The following PDE4C variants were observed in gnomAD, a reference collection of about 807,000 sequenced individuals.
PDE4C encodes 3',5'-cyclic-AMP phosphodiesterase 4C.
In PDE4C, 50 loss-of-function variants were observed where a neutral mutation model predicts 63.9. That is an observed-to-expected ratio of 0.78 (90% CI 0.62 to 0.99). The LOEUF (loss-of-function observed/expected upper bound fraction) is 0.99, where lower values mean the gene tolerates loss of function less well. Ranked by LOEUF, PDE4C falls within the 50% of genes least tolerant of loss-of-function variation. The probability of loss-of-function intolerance (pLI) is 0.00; values close to 1 mark genes in which losing one functional copy is unlikely to be tolerated. For missense variants in PDE4C, 777 were observed against 899.1 expected (o/e 0.86, Z 1.74); for synonymous variants, 377 against 385.1 (o/e 0.98, Z 0.25).
chr19:18,251,527 T>C (rs1163518384), upstream of PDE4C, among the ~76,000 whole-genome samples: 1 of 151,928 alleles, frequency 6.6e-6, no homozygotes, highest in African/African-American at 2.4e-5. Context: ...CTCTGCCGCC[T>C]GGGTTCAAGC....
chr19:18,238,244 T>C (rs926496439), upstream of PDE4C, among the ~76,000 whole-genome samples: 3 of 151,616 alleles, frequency 2.0e-5, no homozygotes, highest in African/African-American at 7.3e-5. Flanking sequence ...CTCTCTTTTT[T>C]TTTTTTTTCG....
chr19:18,216,950 C>T, intron 11 of PDE4C, 55 bp from the exon 12 acceptor site: 1 of 1,530,982 alleles, frequency 6.5e-7, no homozygotes, highest in Non-Finnish European at 8.8e-7. Context: ...CCCACTCTAC[C>T]CAAAAGCAGC....
chr19:18,220,817 A>G lies in PDE4C; in HGVS notation c.499+57T>C, dbSNP rs766312522. On this transcript the variant is annotated intron_variant, in intron 5 of 14. Transcript: ENST00000262805. This position sits in a 1 kb window ranked among gnomAD's most constrained non-coding sequence, Gnocchi z 5.1. Reference sequence around the variant, plus strand: ...GGGCTCATGGACTGGGGAGGTCACTATGGAAAGGAAGCTCCCAGCTGTCCT... The same window carrying G: ...GGGCTCATGGACTGGGGAGGTCACTGTGGAAAGGAAGCTCCCAGCTGTCCT... The G allele has an allele frequency of 3.9e-6, 6 of 1,535,160 alleles. No individual in the cohort carries two copies. In the Admixed American group the frequency reaches 5.6e-5, roughly 14 times the overall value.
upstream of PDE4C, among the ~76,000 whole-genome samples, chr19:18,227,734 G>C (rs1055726108): frequency 6.6e-6 from 1 of 152,200 alleles, no homozygotes; most frequent in Non-Finnish European, 1.5e-5. Flanking sequence ...CCTTGCTGTG[G>C]AATGACCTCT....
chr19:18,240,431 A>AAC (rs1969017121), intron 1 of PDE4C, among the ~76,000 whole-genome samples: 1 of 150,890 alleles, frequency 6.6e-6, no homozygotes, highest in Non-Finnish European at 1.5e-5. Context: ...CTGTCAAAAA[A>AAC]AAAAAAAAAA....
chr19:18,221,080 C>CCCCCA, intron 4 of PDE4C, 25 bp downstream of exon 4: 1 of 1,084,690 alleles, frequency 9.2e-7, no homozygotes, highest in Non-Finnish European at 1.2e-6. Flanking sequence ...GGCCCCGCCC[C>CCCCCA]CGCCCCGCCC....
chr19:18,254,175 G>A, the PDE4C span, among the ~76,000 whole-genome samples: 1 of 152,294 alleles, frequency 6.6e-6, no homozygotes, highest in South Asian at 2.1e-4. Context: ...CAGAGGGTCT[G>A]GCCTGAGGTG....
exon 4 of PDE4C, chr19:18,221,149 G>T (rs775589812): frequency 1.1e-5 from 18 of 1,588,920 alleles, no homozygotes; most frequent in Non-Finnish European, 1.5e-5. Context: ...CCGCCACGTT[G>T]CTCCGAACGG....
At chr19:18,246,037 G>A (rs1969123465) in intron 1 of PDE4C, among the ~76,000 whole-genome samples, 1 of 140,010 alleles carries the variant, frequency 7.1e-6, no homozygotes, top group African/African-American at 2.8e-5. Flanking sequence ...TTGAGACAGA[G>A]TCTTACTCTG....
At chr19:18,246,306 C>T (rs2148073993) in intron 1 of PDE4C, among the ~76,000 whole-genome samples, 1 of 151,492 alleles carries the variant, frequency 6.6e-6, no homozygotes, top group South Asian at 2.1e-4. Context: ...ACCTTAGCCT[C>T]CCAAGTAGCT....
chr19:18,254,147 A>C, the PDE4C span, among the ~76,000 whole-genome samples: 5 of 152,310 alleles, frequency 3.3e-5, no homozygotes, highest in African/African-American at 9.6e-5. Context: ...ACAGATGAGA[A>C]ACTGAGGCTC....
exon 15 of PDE4C, chr19:18,211,275 A>C: frequency 8.3e-6 from 13 of 1,567,588 alleles, no homozygotes; most frequent in Middle Eastern, 1.7e-4. Context: ...AATGAAACCC[A>C]CCTGTGGCGG....
Position 18,220,549 on chromosome 19 carries a change from C to T in PDE4C, c.500-34G>A, listed in dbSNP as rs1370169436. On this transcript the variant is annotated intron_variant, in intron 5 of 14. Coordinates refer to ENST00000262805, the Ensembl canonical transcript of PDE4C. This position sits in a 1 kb window ranked among gnomAD's most constrained non-coding sequence, Gnocchi z 5.1. ...CGAGGCAGTCAGGGGCCTGCCCAACCCCCCCGCTCAGGGACCCCACGCCTC... is the reference window on the plus strand; with the variant it reads ...CGAGGCAGTCAGGGGCCTGCCCAACTCCCCCGCTCAGGGACCCCACGCCTC... The T allele has an allele frequency of 4.8e-6, 7 of 1,445,410 alleles. No individual in the cohort carries two copies. The highest frequency in any genetic ancestry group is 6.5e-6 in the Non-Finnish European group (7 of 1,082,856). The allele number at this position is 1,445,410 out of a possible 1,614,324, so 89.5% of individuals were successfully genotyped here.
intron 1 of PDE4C, among the ~76,000 whole-genome samples, chr19:18,240,185 C>T (rs1025370098): frequency 2.0e-5 from 3 of 151,970 alleles, no homozygotes; most frequent in Non-Finnish European, 2.9e-5. Flanking sequence ...CATGGTGGCT[C>T]ATGTCTGTAG....
chr19:18,247,350 C>T (rs1436814255), intron 1 of PDE4C, among the ~76,000 whole-genome samples: 5 of 152,080 alleles, frequency 3.3e-5, no homozygotes, highest in African/African-American at 1.2e-4. Context: ...GGCTGGAGTG[C>T]AGTGGCGTGA....
upstream of PDE4C, among the ~76,000 whole-genome samples, chr19:18,234,007 G>C (rs935910564): frequency 6.6e-6 from 1 of 152,222 alleles, no homozygotes; most frequent in Non-Finnish European, 1.5e-5. Flanking sequence ...GAGAAGGACA[G>C]GGAAATTGGC....
chr19:18,226,218 C>T lies in PDE4C; in HGVS notation c.146+52G>A, dbSNP rs1968712991. ...CTTGTCCCTGTCCCTGCCCTTCCCA[C>T]CTCCACACCGGGCGTCCCGGTGACC... On this transcript the variant is annotated intron_variant, in intron 1 of 14. Transcript: ENST00000262805. 5.5e-6 allele frequency: 8 copies of T among 1,456,896 alleles called. No homozygotes were observed. In the South Asian group the frequency reaches 9.7e-5, roughly 18 times the overall value. 90.2% of individuals were successfully genotyped at this position (1,456,896 alleles called of 1,614,324 possible).
At chr19:18,214,457 A>G (rs984132807) in intron 12 of PDE4C, among the ~76,000 whole-genome samples, 4 of 151,898 alleles carry the variant, frequency 2.6e-5, no homozygotes, top group African/African-American at 7.2e-5. Flanking sequence ...GGCTGGAAGA[A>G]GTGAGCTCAA....
At chr19:18,218,885 G>T in intron 9 of PDE4C, 55 bp downstream of exon 9, 1 of 1,199,876 alleles carries the variant, frequency 8.3e-7, no homozygotes, top group Non-Finnish European at 1.2e-6. Flanking sequence ...GTGGTAGGAA[G>T]CAGTGAGGGA....
Sources: allele counts gnomAD v4.1 joint callset (sites outside exome capture counted in the v4.1 genomes callset), GRCh38; gene constraint gnomAD v4.1.1; non-coding constraint Gnocchi (gnomAD v3.1); transcripts MANE v1.5; gene names NCBI Gene and HGNC (gene_info 2026-07-23, HGNC 2026-07-21).